Variants in SVIL observed in about 807,000 individuals in gnomAD.
The protein encoded by SVIL is archvillin.
In SVIL, 101 loss-of-function variants were observed where a neutral mutation model predicts 240.4. The ratio of observed to expected loss-of-function variants is 0.42; its 90% CI spans 0.36 to 0.50. SVIL has a LOEUF of 0.50. SVIL is among the 20% of genes least tolerant of loss of function. The pLI is 0.01. For missense variants in SVIL, 2,512 were observed against 2,818.7 expected, an observed-to-expected ratio of 0.89 and a Z score of 2.46; for synonymous variants, 999 against 1,100.0, an observed-to-expected ratio of 0.91 and a Z score of 1.82.
chr10:29,516,631 A>G (rs192676842), intron 16 of SVIL, among the ~76,000 whole-genome samples: 1,836 of 152,338 alleles, frequency 0.012, 36 homozygotes, highest in African/African-American at 0.039. Context: ...CTGCCAAGCC[A>G]AAGTGCTGTT....
In SVIL at chr10:29,484,440, AAC is replaced by A. The variant is rs1708700140; in HGVS notation, c.4955+214_4955+215del. On this transcript the variant is annotated intron_variant, in intron 27 of 37. Coordinates refer to ENST00000355867, the MANE Select transcript of SVIL (RefSeq NM_021738.3). This position sits in a 1 kb window ranked among gnomAD's most constrained non-coding sequence, Gnocchi z 4.7. ...TCACTTCAAGAAATCAACTATAACA[AAC>A]CTCTTCCAGAAGACTACGACATCCA... 6.6e-6 allele frequency among the ~76,000 whole-genome samples: 1 copy of A among 152,202 alleles called. No individual in the cohort carries two copies. The highest frequency in any genetic ancestry group is 1.5e-5 in the Non-Finnish European group (1 of 68,034).
At chr10:29,458,730 G>T in intron 36 of SVIL, 141 bp from the exon 37 acceptor site, 1 of 858,698 alleles carries the variant, frequency 1.2e-6, no homozygotes, top group Non-Finnish European at 1.7e-6. Flanking sequence ...GGAGGAAATG[G>T]CTCTGAAAGA....
At chr10:29,614,707 T>C (rs573053635) in intron 1 of SVIL, among the ~76,000 whole-genome samples, 5 of 152,270 alleles carry the variant, frequency 3.3e-5, no homozygotes, top group African/African-American at 7.2e-5. Context: ...AAATACCTAA[T>C]GTAAATGATG....
chr10:29,621,547 A>T (rs1170804326), intron 1 of SVIL, among the ~76,000 whole-genome samples: 1 of 152,264 alleles, frequency 6.6e-6, no homozygotes, highest in Admixed American at 6.5e-5. Flanking sequence ...AGCAGAAAAG[A>T]TGACCAGATC....
intron 1 of SVIL, among the ~76,000 whole-genome samples, chr10:29,615,168 G>T (rs1957385417): frequency 6.6e-6 from 1 of 152,062 alleles, no homozygotes; most frequent in Admixed American, 6.6e-5. Context: ...ATCTATTTAA[G>T]AAACAGACCA....
intron 1 of SVIL, among the ~76,000 whole-genome samples, chr10:29,598,011 T>C (rs1397214391): frequency 6.6e-6 from 1 of 152,092 alleles, no homozygotes; most frequent in Non-Finnish European, 1.5e-5. Context: ...GGTCCCTTGA[T>C]GGGTGAATGG....
At chr10:29,584,564 A>G (rs950679981) in intron 1 of SVIL, among the ~76,000 whole-genome samples, 14 of 152,040 alleles carry the variant, frequency 9.2e-5, no homozygotes, top group African/African-American at 2.4e-4. Context: ...TGGTTCTCCC[A>G]CTCAGCCCGC....
chr10:29,529,712 C>T lies in SVIL; in HGVS notation c.2239G>A (p.Ala747Thr), dbSNP rs749968559. ...QPITTEEVVI[A>T]ATEPIPASCS... ...AGTCCTGTGGGCACTTACGTGGCTG[C>T]GATGACCACCTCTTCAGTGGTGATG... Residue 747 changes from alanine to threonine, a missense_variant, in exon 12 of 38, where the codon GCA becomes ACA. Around this residue, in one of 3 missense-constraint regions of SVIL, gnomAD observed 1,443 missense variants for 1,486.6 expected, o/e 0.97. Transcript: ENST00000355867. 2.1e-5 allele frequency: 33 copies of T among 1,604,468 alleles called. No individual in the cohort carries two copies. The highest frequency in any genetic ancestry group is 2.2e-5 in the East Asian group (1 of 44,474).
chr10:29,726,756 A>G (rs1182947936), intron 1 of SVIL, among the ~76,000 whole-genome samples: 1 of 152,120 alleles, frequency 6.6e-6, no homozygotes, highest in African/African-American at 2.4e-5. Context: ...CAAAAAAAAA[A>G]GTGCTAATTA....
chr10:29,633,213 G>A (rs1033526691), intron 1 of SVIL, among the ~76,000 whole-genome samples: 40 of 149,098 alleles, frequency 2.7e-4, no homozygotes, highest in African/African-American at 9.2e-4. Context: ...CTCCAGCCTG[G>A]GTGACAGCAC....
chr10:29,540,564 A>G (rs1228971765), intron 6 of SVIL, among the ~76,000 whole-genome samples: 2 of 152,042 alleles, frequency 1.3e-5, no homozygotes, highest in Non-Finnish European at 2.9e-5. Flanking sequence ...GTGCAGCAGG[A>G]CCCCCCAGCA....
At chr10:29,673,662 C>T (rs76824876) in intron 2 of SVIL, among the ~76,000 whole-genome samples, 4,248 of 151,878 alleles carry the variant, frequency 0.028, 203 homozygotes, top group African/African-American at 0.098. Flanking sequence ...AACTCACTAT[C>T]GCGAGAACTC....
intron 21 of SVIL, 99 bp from the exon 22 acceptor site, chr10:29,491,118 A>T: frequency 7.3e-7 from 1 of 1,368,390 alleles, no homozygotes. Flanking sequence ...TGATTTTGTT[A>T]CAAATCTTGC....
At chr10:29,635,607 C>A (rs545215669), upstream of SVIL, among the ~76,000 whole-genome samples, 3 of 152,270 alleles carry the variant, frequency 2.0e-5, no homozygotes, top group South Asian at 6.2e-4. Context: ...ATGAACCTAA[C>A]CTAATGAAAA....
At chr10:29,613,750 A>G (rs1259221539) in intron 1 of SVIL, among the ~76,000 whole-genome samples, 1 of 152,242 alleles carries the variant, frequency 6.6e-6, no homozygotes, top group Non-Finnish European at 1.5e-5. Flanking sequence ...CAGTGAATCC[A>G]GAATTTTCCC....
intron 1 of SVIL, among the ~76,000 whole-genome samples, chr10:29,586,126 C>T (rs954157334): frequency 4.6e-5 from 7 of 152,150 alleles, no homozygotes; most frequent in Admixed American, 6.6e-5. Context: ...GTTGGGAAAA[C>T]GGTCCCCGTG....
At chr10:29,671,962 T>C (rs1413134405) in intron 2 of SVIL, among the ~76,000 whole-genome samples, 1 of 152,200 alleles carries the variant, frequency 6.6e-6, no homozygotes, top group African/African-American at 2.4e-5. Context: ...CTGCTATCAT[T>C]TCTCTGTGAG....
intron 2 of SVIL, among the ~76,000 whole-genome samples, chr10:29,673,979 T>C (rs1351894883): frequency 1.3e-5 from 2 of 152,218 alleles, no homozygotes; most frequent in African/African-American, 2.4e-5. Flanking sequence ...AAGTATGATA[T>C]GCCTTGTCTA....
At chr10:29,614,848 G>A (rs1470902337) in intron 1 of SVIL, among the ~76,000 whole-genome samples, 1 of 152,096 alleles carries the variant, frequency 6.6e-6, no homozygotes. Flanking sequence ...TGAAATCCAC[G>A]AATCATTTGG....
Sources: gnomAD v4.1 joint callset for allele counts (sites outside exome capture counted in the v4.1 genomes callset) on GRCh38, gnomAD v4.1.1 for gene constraint, gnomAD v4.1.1 regional missense constraint, Gnocchi (gnomAD v3.1) non-coding constraint, MANE v1.5 for transcripts, NCBI Gene and HGNC (gene_info 2026-07-23, HGNC 2026-07-21) for gene names.